Variants in HPCAL1 observed in about 807,000 individuals in gnomAD.
The protein encoded by HPCAL1 is hippocalcin-like protein 1.
A neutral mutation model predicts 17.1 loss-of-function variants in HPCAL1; 8 were observed. The observed-to-expected ratio is 0.47, with a 90% CI of 0.27 to 0.84. The LOEUF is 0.84. Among genes scored for constraint, HPCAL1 ranks in the 40% least tolerant of loss-of-function variants. The probability of loss-of-function intolerance (pLI) is 0.13; values close to 1 mark genes in which losing one functional copy is unlikely to be tolerated. For missense variants in HPCAL1, 165 were observed against 271.1 expected, an observed-to-expected ratio of 0.61 and a Z score of 2.75; for synonymous variants, 112 against 111.4, an observed-to-expected ratio of 1.01 and a Z score of -0.03.
intron 2 of HPCAL1, among the ~76,000 whole-genome samples, chr2:10,413,221 G>T (rs916981177): frequency 2.6e-5 from 4 of 152,206 alleles, no homozygotes; most frequent in Non-Finnish European, 5.9e-5. Flanking sequence ...CCTTAGGAAG[G>T]TCCCTGGGGC....
chr2:10,321,031 G>T (rs1285101687), intron 1 of HPCAL1, among the ~76,000 whole-genome samples: 1 of 151,894 alleles, frequency 6.6e-6, no homozygotes, highest in African/African-American at 2.4e-5. Context: ...CCTGAGACAC[G>T]GTCATTAATA....
In HPCAL1 at chr2:10,354,727, T is replaced by C. The variant is rs192563255; in HGVS notation, c.-110-42108T>C. Among the ~76,000 whole-genome samples, 71 of 152,384 alleles carry C rather than the reference T, an allele frequency of 4.7e-4. No homozygotes were observed. The highest frequency in any genetic ancestry group is 1.3e-3 in the African/African-American group (53 of 41,592). ...TTTACTTTGACTTCTTTCTGGGTTC[T>C]TGCATAGGCTTCAAGGAGGGAGGAT... On this transcript the variant is annotated intron_variant, in intron 1 of 4. Coordinates refer to ENST00000307845, the MANE Select transcript of HPCAL1 (RefSeq NM_002149.4). The surrounding 1 kb of genome is among the most constrained non-coding windows in gnomAD (Gnocchi z 5.1).
In HPCAL1 at chr2:10,343,231, C is replaced by G. The variant is rs2125446724; in HGVS notation, c.-111+40054C>G. On this transcript the variant is annotated intron_variant, in intron 1 of 4. Coordinates refer to ENST00000307845, the MANE Select transcript of HPCAL1 (RefSeq NM_002149.4). The surrounding 1 kb of genome is among the most constrained non-coding windows in gnomAD (Gnocchi z 4.8). ...CCTGGGACCCTGGACCTCTAGCACA[C>G]CATGGAGGCCTGCCCCGTCCCCATA... is the stretch of plus-strand genomic sequence containing the variant. Among the ~76,000 whole-genome samples the G allele has an allele frequency of 6.6e-6, 1 of 152,302 alleles. No individual in the cohort carries two copies. Among genetic ancestry groups the G allele is most frequent in the South Asian group, 2.1e-4 (1 of 4,822 alleles).
At position 10,419,729 on chromosome 2, in the gene HPCAL1, T is replaced by TG. The variant is rs2148031349; in HGVS notation, c.-24-4dup. ...GGCGTCCCCGGCTGACCCCCTGTCT[T>TG]GCAGGTGTAGTCGCCGCCGCCAGCC... On this transcript the variant is annotated splice_polypyrimidine_tract_variant and splice_region_variant and intron_variant, in intron 2 of 4. Transcript: ENST00000307845. This position sits in a 1 kb window ranked among gnomAD's most constrained non-coding sequence, Gnocchi z 5.0. The TG allele has an allele frequency of 6.3e-7, 1 of 1,589,580 alleles. No homozygotes were observed. Among genetic ancestry groups the TG allele is most frequent in the African/African-American group, 1.3e-5 (1 of 74,718 alleles).
chr2:10,319,314 G>A (rs1042267001), intron 1 of HPCAL1, among the ~76,000 whole-genome samples: 1 of 152,168 alleles, frequency 6.6e-6, no homozygotes, highest in African/African-American at 2.4e-5. Flanking sequence ...GCTTGCAGGG[G>A]AAATGGGACG....
chr2:10,399,220 C>T (rs1370906489), intron 2 of HPCAL1, among the ~76,000 whole-genome samples: 15 of 73,422 alleles, frequency 2.0e-4, no homozygotes, highest in East Asian at 7.9e-4. Flanking sequence ...ACCACCACCA[C>T]CACCACCACC....
chr2:10,335,347 A>G (rs1397019297), intron 1 of HPCAL1, among the ~76,000 whole-genome samples: 1 of 152,116 alleles, frequency 6.6e-6, no homozygotes, highest in Admixed American at 6.5e-5. Context: ...TCCTGTGGAG[A>G]GGCAGGCCTA....
chr2:10,338,489 G>A (rs899408364), intron 1 of HPCAL1, among the ~76,000 whole-genome samples: 3 of 152,158 alleles, frequency 2.0e-5, no homozygotes, highest in African/African-American at 7.2e-5. Flanking sequence ...ACTTCGTAGG[G>A]TTGGCATGAG....
chr2:10,407,130 T>C (rs1311357790), intron 2 of HPCAL1, among the ~76,000 whole-genome samples: 1 of 152,152 alleles, frequency 6.6e-6, no homozygotes, highest in African/African-American at 2.4e-5. Context: ...CTGGGATGTG[T>C]TCACCTGGGA....
intron 2 of HPCAL1, among the ~76,000 whole-genome samples, chr2:10,413,554 C>A (rs750074502): frequency 6.6e-6 from 1 of 152,220 alleles, no homozygotes; most frequent in Non-Finnish European, 1.5e-5. Flanking sequence ...CAGGCGCACA[C>A]GTCTGCCCTC....
At chr2:10,358,273 C>G (rs942209438) in intron 1 of HPCAL1, among the ~76,000 whole-genome samples, 9 of 152,228 alleles carry the variant, frequency 5.9e-5, no homozygotes, top group African/African-American at 2.2e-4. Context: ...GTCACAATCT[C>G]AACCACTTCT....
chr2:10,405,378 C>T (rs914037597), intron 2 of HPCAL1, among the ~76,000 whole-genome samples: 3 of 152,254 alleles, frequency 2.0e-5, no homozygotes, highest in Non-Finnish European at 4.4e-5. Flanking sequence ...GACTCCAGGG[C>T]ATGGCTCCAA....
rs568681508 is a variant in HPCAL1, at chr2:10,365,469, G to A, written c.-110-31366G>A. Reference sequence around the variant, plus strand: ...GCAGGAGTTGGAGGTAGAGCGGGTCGAAGGCTTGCGGAGGGACAGGTGGGT... The same window carrying A: ...GCAGGAGTTGGAGGTAGAGCGGGTCAAAGGCTTGCGGAGGGACAGGTGGGT... On this transcript the variant is annotated intron_variant, in intron 1 of 4. Transcript: ENST00000307845. This position sits in a 1 kb window ranked among gnomAD's most constrained non-coding sequence, Gnocchi z 4.8. Among the ~76,000 whole-genome samples, 97 of 152,308 alleles carry A rather than the reference G, an allele frequency of 6.4e-4. No homozygotes were observed. The highest frequency in any genetic ancestry group is 2.2e-3 in the African/African-American group (91 of 41,572).
chr2:10,351,001 C>T (rs1665809823), intron 1 of HPCAL1, among the ~76,000 whole-genome samples: 2 of 152,216 alleles, frequency 1.3e-5, no homozygotes, highest in Admixed American at 1.3e-4. Flanking sequence ...CTTCAGAAAA[C>T]AGCCTGGCAG....
chr2:10,338,459 G>C (rs1381060759), intron 1 of HPCAL1, among the ~76,000 whole-genome samples: 1 of 152,182 alleles, frequency 6.6e-6, no homozygotes, highest in Non-Finnish European at 1.5e-5. Context: ...CTTCCCATCT[G>C]TGAAGTAGGG....
At chr2:10,333,258 A>G (rs1664501224) in intron 1 of HPCAL1, among the ~76,000 whole-genome samples, 1 of 152,232 alleles carries the variant, frequency 6.6e-6, no homozygotes, top group South Asian at 2.1e-4. Flanking sequence ...AGGAGCGTGA[A>G]TCAGGTGGTC....
intron 1 of HPCAL1, among the ~76,000 whole-genome samples, chr2:10,349,827 G>T (rs952108773): frequency 6.6e-6 from 1 of 150,716 alleles, no homozygotes; most frequent in Non-Finnish European, 1.5e-5. Context: ...TTGATACAGG[G>T]CCAAGACCTC....
At chr2:10,415,463 C>T (rs1273697886) in intron 2 of HPCAL1, among the ~76,000 whole-genome samples, 1 of 152,194 alleles carries the variant, frequency 6.6e-6, no homozygotes. Flanking sequence ...TGGGGGTTCT[C>T]TGGGGCAGCC....
intron 1 of HPCAL1, among the ~76,000 whole-genome samples, chr2:10,361,861 C>T (rs1433724351): frequency 2.0e-5 from 3 of 151,982 alleles, no homozygotes; most frequent in Admixed American, 6.6e-5. Context: ...GGATTATAGG[C>T]GCCCGCCACC....
Sources: gnomAD v4.1 joint callset for allele counts (sites outside exome capture counted in the v4.1 genomes callset) on GRCh38, gnomAD v4.1.1 for gene constraint, Gnocchi (gnomAD v3.1) non-coding constraint, MANE v1.5 for transcripts, NCBI Gene and HGNC (gene_info 2026-07-23, HGNC 2026-07-21) for gene names.